The following SPTBN1 variants were observed in gnomAD, a reference collection of about 807,000 sequenced individuals.
SPTBN1 encodes spectrin beta chain, non-erythrocytic 1.
In SPTBN1, 32 loss-of-function variants were observed where a neutral mutation model predicts 266.4. That is an observed-to-expected ratio of 0.12 (90% CI 0.09 to 0.16). The LOEUF is 0.16. Ranked by LOEUF, SPTBN1 falls within the 10% of genes least tolerant of loss-of-function variation. The pLI is 1.00. For missense variants in SPTBN1, 2,296 were observed against 3,067.1 expected (o/e 0.75, Z 5.94); for synonymous variants, 1,336 against 1,162.2 (o/e 1.15, Z -3.04).
chr2:54,648,691 C>T (rs891549441), intron 24 of SPTBN1, among the ~76,000 whole-genome samples: 3 of 152,220 alleles, frequency 2.0e-5, no homozygotes, highest in Admixed American at 6.5e-5. Flanking sequence ...CTAAATTCTC[C>T]TGCCCCCACT....
intron 3 of SPTBN1, among the ~76,000 whole-genome samples, chr2:54,608,044 G>C (rs1676964196): frequency 6.6e-6 from 1 of 152,154 alleles, no homozygotes; most frequent in Non-Finnish European, 1.5e-5. Flanking sequence ...AGGTAGGGCT[G>C]GCTGCTGCCC....
Position 54,616,272 on chromosome 2 carries a change from G to A in SPTBN1, c.540G>A (p.Leu180=), listed in dbSNP as rs1207926115. The stretch of plus-strand genomic sequence containing the variant: ...AGAAATCTGCCAAGGATGCATTGCT[G>A]TTGTGGTGCCAGATGAAGACAGCTG... ...KEKKSAKDAL[L]LWCQMKTAGY... Residue 180 remains leucine (L), a synonymous_variant, in exon 5 of 36, where the codon CTG becomes CTA. Transcript: ENST00000356805. The A allele has an allele frequency of 1.9e-6, 3 of 1,613,838 alleles. No homozygotes were observed. The highest frequency in any genetic ancestry group is 2.5e-6 in the Non-Finnish European group (3 of 1,179,884).
intron 30 of SPTBN1, among the ~76,000 whole-genome samples, chr2:54,658,759 A>G (rs1162228169): frequency 2.6e-5 from 4 of 152,220 alleles, no homozygotes; most frequent in Admixed American, 1.3e-4. Context: ...CCACAGCACA[A>G]GCGGCTTCCT....
chr2:54,601,225 A>G (rs1676477804), intron 3 of SPTBN1, among the ~76,000 whole-genome samples: 1 of 152,158 alleles, frequency 6.6e-6, no homozygotes, highest in Admixed American at 6.5e-5. Flanking sequence ...CTTCATTTGT[A>G]TTACCCATTC....
At chr2:54,627,978 A>T in intron 12 of SPTBN1, 119 bp from the exon 13 acceptor site, 1 of 1,218,530 alleles carries the variant, frequency 8.2e-7, no homozygotes, top group Non-Finnish European at 1.1e-6. Flanking sequence ...TGTGGGGTCC[A>T]TGGCAGACTA....
chr2:54,524,089 C>T (rs1330620119), intron 1 of SPTBN1, among the ~76,000 whole-genome samples: 3 of 152,108 alleles, frequency 2.0e-5, no homozygotes, highest in Non-Finnish European at 4.4e-5. Context: ...GTCCCAGCTA[C>T]TCGGGAGGCT....
At chr2:54,493,506 AGTGATTCTTGT>A (rs1208323085) in intron 1 of SPTBN1, among the ~76,000 whole-genome samples, 2 of 152,008 alleles carry the variant, frequency 1.3e-5, no homozygotes, top group African/African-American at 4.8e-5. Flanking sequence ...CCCAGATTCA[AGTGATTCTTGT>A]GCCTCAGCAG....
intron 3 of SPTBN1, among the ~76,000 whole-genome samples, chr2:54,601,936 T>C (rs759690555): frequency 1.1e-4 from 17 of 152,180 alleles, no homozygotes; most frequent in Non-Finnish European, 2.1e-4. Flanking sequence ...AAGTATCATG[T>C]AGGCATTTGG....
chr2:54,549,797 A>C (rs367622297), intron 2 of SPTBN1, among the ~76,000 whole-genome samples: 64 of 152,288 alleles, frequency 4.2e-4, no homozygotes, highest in African/African-American at 1.4e-3. Flanking sequence ...TGGGACTAAA[A>C]GGTGAGGGGA....
intron 1 of SPTBN1, among the ~76,000 whole-genome samples, chr2:54,471,647 G>C (rs78133167): frequency 6.6e-6 from 1 of 152,264 alleles, no homozygotes; most frequent in Non-Finnish European, 1.5e-5. Flanking sequence ...ACTGCCAAGA[G>C]GTTGGGAGCA....
intron 2 of SPTBN1, among the ~76,000 whole-genome samples, chr2:54,559,627 C>G (rs1573412439): frequency 6.6e-6 from 1 of 152,148 alleles, no homozygotes; most frequent in East Asian, 1.9e-4. Context: ...CCCTGCGGCC[C>G]CTGCACCCCT....
intron 2 of SPTBN1, among the ~76,000 whole-genome samples, chr2:54,562,760 G>T (rs987305627): frequency 5.3e-5 from 8 of 149,656 alleles, no homozygotes; most frequent in African/African-American, 2.0e-4. Context: ...GTTTCACCAT[G>T]TTGCCCAAAC....
rs562309909 is a variant in SPTBN1 at position 54,613,514 on chromosome 2, C to T, written c.474+1180C>T. 5.3e-5 allele frequency among the ~76,000 whole-genome samples: 8 copies of T among 152,254 alleles called. No homozygotes were observed. The South Asian group carries it at 1.2e-3, about 24-fold the overall frequency. On this transcript the variant is annotated intron_variant, in intron 4 of 35. Transcript: ENST00000356805. ...AGGGGTAGGGGACTAGAATGAGTTA[C>T]AGGAAGAAATATCTTCCTGCCTGGC... is the stretch of plus-strand genomic sequence containing the variant.
chr2:54,552,933 A>G (rs1672661958), intron 2 of SPTBN1, among the ~76,000 whole-genome samples: 1 of 152,218 alleles, frequency 6.6e-6, no homozygotes, highest in Admixed American at 6.5e-5. Flanking sequence ...TGCCCAGGCC[A>G]TGGGCCTTGA....
chr2:54,608,173 G>A (rs934789731), intron 3 of SPTBN1, among the ~76,000 whole-genome samples: 3 of 152,216 alleles, frequency 2.0e-5, no homozygotes, highest in African/African-American at 7.2e-5. Flanking sequence ...ATAACTCTGT[G>A]CTCAGAACTG....
intron 1 of SPTBN1, among the ~76,000 whole-genome samples, chr2:54,487,314 A>G (rs1668452418): frequency 6.6e-6 from 1 of 152,074 alleles, no homozygotes; most frequent in Non-Finnish European, 1.5e-5. Flanking sequence ...GAAATTAAGC[A>G]ATATAATATT....
chr2:54,475,200 C>G (rs1409649891), intron 1 of SPTBN1, among the ~76,000 whole-genome samples: 1 of 151,978 alleles, frequency 6.6e-6, no homozygotes, highest in African/African-American at 2.4e-5. Context: ...GAGCGAAACT[C>G]CGTCTCAAAA....
intron 1 of SPTBN1, among the ~76,000 whole-genome samples, chr2:54,503,560 G>A (rs1298842360): frequency 6.6e-6 from 1 of 152,214 alleles, no homozygotes; most frequent in Non-Finnish European, 1.5e-5. Flanking sequence ...AAGTCTCCAT[G>A]AGCATGAAAG....
intron 1 of SPTBN1, among the ~76,000 whole-genome samples, chr2:54,469,678 C>T (rs1183527517): frequency 2.6e-5 from 4 of 152,176 alleles, no homozygotes; most frequent in Non-Finnish European, 5.9e-5. Context: ...TCCCAGCGGC[C>T]TAGGTTAGAG....
Sources: allele counts gnomAD v4.1 joint callset (sites outside exome capture counted in the v4.1 genomes callset), GRCh38; gene constraint gnomAD v4.1.1; transcripts MANE v1.5; gene names NCBI Gene and HGNC (gene_info 2026-07-23, HGNC 2026-07-21).